The following DAP variants were observed in gnomAD, a reference collection of about 807,000 sequenced individuals.
The protein encoded by DAP is death associated protein.
A neutral mutation model predicts 13.8 loss-of-function variants in DAP; 8 were observed. The observed-to-expected ratio is 0.58, with a 90% CI of 0.34 to 1.05. The LOEUF is 1.05. Ranked by LOEUF, DAP falls within the 50% of genes least tolerant of loss-of-function variation. The pLI, the probability that DAP is intolerant of heterozygous loss-of-function variation, is 0.03. For synonymous variants in DAP, 47 were observed against 47.5 expected (o/e 0.99, Z 0.04); for missense variants, 106 against 133.2 (o/e 0.80, Z 1.01).
chr5:10,758,158 T>C (rs1740239948), intron 1 of DAP, among the ~76,000 whole-genome samples: 1 of 152,070 alleles, frequency 6.6e-6, no homozygotes, highest in African/African-American at 2.4e-5. Flanking sequence ...ATTTATGAAC[T>C]GTGCTCTTGG....
intron 1 of DAP, among the ~76,000 whole-genome samples, chr5:10,748,822 C>A (rs374662662): frequency 7.9e-5 from 12 of 152,300 alleles, no homozygotes; most frequent in African/African-American, 2.9e-4. Context: ...TTTTAAAAAA[C>A]AGCTTTATAG....
At position 10,761,060 on chromosome 5, in the gene DAP, C is replaced by A. The variant is rs1018856398; in HGVS notation, c.9G>T (p.Ser3=). The change falls in exon 1 of 4, where the codon TCG becomes TCT. Residue 3 remains serine, a synonymous_variant. Transcript: ENST00000230895. The part of the protein sequence containing the change: MS[S]PPEGKLETKA... ...TAGTCTCTAGTTTCCCTTCGGGAGG[C>A]GAAGACATGACGCGGCGGGGCTTCC... 6 of 1,223,008 alleles carry A rather than the reference C, an allele frequency of 4.9e-6. No individual in the cohort carries two copies. The African/African-American group carries it at 7.9e-5, about 16-fold the overall frequency. The allele number at this position is 1,223,008 out of a possible 1,614,324, so 75.8% of individuals were successfully genotyped here. A position where few individuals can be genotyped will look rare whatever the true frequency, so the allele number is the denominator to read the frequency against.
At chr5:10,719,687 T>G (rs975535666) in intron 2 of DAP, among the ~76,000 whole-genome samples, 4 of 152,146 alleles carry the variant, frequency 2.6e-5, no homozygotes, top group African/African-American at 9.7e-5. Context: ...GTGATATAAA[T>G]GTGATTGGGC....
chr5:10,711,699 C>T (rs368686584), intron 2 of DAP, among the ~76,000 whole-genome samples: 15 of 152,316 alleles, frequency 9.8e-5, no homozygotes, highest in African/African-American at 2.9e-4. Flanking sequence ...CTGGGTGGGA[C>T]GTCTGTTTAC....
chr5:10,719,341 G>A (rs562901322), intron 2 of DAP, among the ~76,000 whole-genome samples: 2 of 152,336 alleles, frequency 1.3e-5, no homozygotes, highest in Admixed American at 6.5e-5. Context: ...AAGCTGCTCT[G>A]TCACTTGGGC....
At chr5:10,733,687 C>T (rs1016396001) in intron 2 of DAP, 5 of 152,138 alleles carry the variant, frequency 3.3e-5, no homozygotes, top group African/African-American at 9.7e-5. Context: ...AAGGGAAGGC[C>T]CAACAGAACA....
chr5:10,701,745 G>A (rs957171493), intron 2 of DAP, among the ~76,000 whole-genome samples: 6 of 152,080 alleles, frequency 3.9e-5, no homozygotes, highest in Non-Finnish European at 7.3e-5. Context: ...GATTCCCTGG[G>A]ACGGTCTGGG....
At chr5:10,732,474 T>A (rs917459121) in intron 2 of DAP, among the ~76,000 whole-genome samples, 4 of 152,258 alleles carry the variant, frequency 2.6e-5, no homozygotes, top group African/African-American at 7.2e-5. Flanking sequence ...GTTTCTTTTA[T>A]GTAGCACAAT....
chr5:10,683,494 A>G, intron 3 of DAP, 35 bp downstream of exon 3: 1 of 1,610,022 alleles, frequency 6.2e-7, no homozygotes, highest in Non-Finnish European at 8.5e-7. Context: ...GCCATGCAAA[A>G]GCCTCAAACC....
At chr5:10,742,178 G>A (rs983575793) in intron 2 of DAP, among the ~76,000 whole-genome samples, 5 of 152,166 alleles carry the variant, frequency 3.3e-5, no homozygotes, top group African/African-American at 7.2e-5. Flanking sequence ...CTCCTGGCTT[G>A]TTAATTCAAT....
At chr5:10,752,534 A>G (rs1740072147) in intron 1 of DAP, among the ~76,000 whole-genome samples, 1 of 152,240 alleles carries the variant, frequency 6.6e-6, no homozygotes, top group African/African-American at 2.4e-5. Flanking sequence ...TTCAAATGAG[A>G]GCTTCAAATG....
chr5:10,701,078 C>T (rs1206857249), intron 2 of DAP, among the ~76,000 whole-genome samples: 2 of 152,160 alleles, frequency 1.3e-5, no homozygotes, highest in African/African-American at 4.8e-5. Context: ...AGGTGAACAC[C>T]CAGGAGGCAA....
At chr5:10,756,909 A>T in intron 1 of DAP, among the ~76,000 whole-genome samples, 1 of 20,440 alleles carries the variant, frequency 4.9e-5, no homozygotes, top group African/African-American at 1.1e-4. Context: ...TAACTCATCA[A>T]ACAAGCACTC....
intron 2 of DAP, among the ~76,000 whole-genome samples, chr5:10,722,310 G>T (rs1287561233): frequency 6.6e-6 from 1 of 151,998 alleles, no homozygotes; most frequent in Non-Finnish European, 1.5e-5. Context: ...GCGAGAGACT[G>T]GCCTCACCTC....
At chr5:10,723,911 A>G (rs1739220061) in intron 2 of DAP, among the ~76,000 whole-genome samples, 1 of 152,218 alleles carries the variant, frequency 6.6e-6, no homozygotes, top group South Asian at 2.1e-4. Context: ...ACTGTCTGCT[A>G]TCCAAGTGTA....
chr5:10,715,729 G>C (rs1446812649), intron 2 of DAP, among the ~76,000 whole-genome samples: 1 of 152,182 alleles, frequency 6.6e-6, no homozygotes, highest in Non-Finnish European at 1.5e-5. Flanking sequence ...GCCACGGAGA[G>C]AAAGGGCAGG....
chr5:10,684,991 G>C (rs1738120398), intron 2 of DAP, among the ~76,000 whole-genome samples: 1 of 152,212 alleles, frequency 6.6e-6, no homozygotes, highest in Non-Finnish European at 1.5e-5. Context: ...TCACCAGCCT[G>C]TCTCTTCCCA....
chr5:10,721,204 G>C (rs532453368), intron 2 of DAP, among the ~76,000 whole-genome samples: 1 of 152,276 alleles, frequency 6.6e-6, no homozygotes, highest in East Asian at 1.9e-4. Context: ...TTCTCCCACA[G>C]CCAGGATTCA....
chr5:10,701,699 G>A (rs1277701974), intron 2 of DAP, among the ~76,000 whole-genome samples: 1 of 152,180 alleles, frequency 6.6e-6, no homozygotes, highest in Non-Finnish European at 1.5e-5. Flanking sequence ...AGCAAATTAG[G>A]CCTCAAGTTA....
Sources: allele counts gnomAD v4.1 joint callset (sites outside exome capture counted in the v4.1 genomes callset), GRCh38; gene constraint gnomAD v4.1.1; transcripts MANE v1.5; gene names NCBI Gene and HGNC (gene_info 2026-07-23, HGNC 2026-07-21).